Variants in TM9SF3 observed in about 807,000 individuals in gnomAD.
TM9SF3 encodes the protein SM-11044-binding protein.
A neutral mutation model predicts 78.6 loss-of-function variants in TM9SF3; 14 were observed. That is an observed-to-expected ratio of 0.18 (90% CI 0.12 to 0.28). The LOEUF (loss-of-function observed/expected upper bound fraction) is 0.28. Ranked by LOEUF, TM9SF3 falls within the 10% of genes least tolerant of loss-of-function variation. The pLI is 1.00. For missense variants in TM9SF3, 496 were observed against 721.9 expected, an observed-to-expected ratio of 0.69 and a Z score of 3.59; for synonymous variants, 231 against 241.7, an observed-to-expected ratio of 0.96 and a Z score of 0.41.
At position 96,575,264 on chromosome 10, in the gene TM9SF3, T is replaced by C. The variant is rs79972975; in HGVS notation, c.298+1370A>G. The stretch of plus-strand genomic sequence containing the variant: ...AAAAGAGAAAGCAGACGATTACATA[T>C]AGTACCAAATCTCAAAGATCACATT... On this transcript the variant is annotated intron_variant, in intron 2 of 14. Transcript: ENST00000371142. 2.2e-4 allele frequency among the ~76,000 whole-genome samples: 34 copies of C among 152,286 alleles called. 2 individuals carry two copies. In the East Asian group the frequency reaches 6.4e-3, roughly 29 times the overall value.
intron 9 of TM9SF3, among the ~76,000 whole-genome samples, chr10:96,534,277 C>G (rs1194146088): frequency 6.6e-6 from 1 of 152,132 alleles, no homozygotes; most frequent in African/African-American, 2.4e-5. Flanking sequence ...AATTACAGAG[C>G]TCCATAATAC....
chr10:96,529,133 C>T (rs1847869434), intron 11 of TM9SF3, among the ~76,000 whole-genome samples: 1 of 152,022 alleles, frequency 6.6e-6, no homozygotes, highest in Non-Finnish European at 1.5e-5. Context: ...AATAAAGGCA[C>T]AAAGCATTGT....
intron 11 of TM9SF3, among the ~76,000 whole-genome samples, chr10:96,529,620 TG>T (rs1477897745): frequency 5.4e-5 from 8 of 148,416 alleles, no homozygotes; most frequent in African/African-American, 2.0e-4. Context: ...AAAATTTCAA[TG>T]AAAAAAAAGA....
At chr10:96,571,533 A>T (rs1229542577) in intron 2 of TM9SF3, among the ~76,000 whole-genome samples, 1 of 152,212 alleles carries the variant, frequency 6.6e-6, no homozygotes, top group Non-Finnish European at 1.5e-5. Flanking sequence ...CCTTTTGGCA[A>T]TCAGGCCTAT....
At chr10:96,544,437 ACT>A (rs1159649939) in intron 8 of TM9SF3, among the ~76,000 whole-genome samples, 1 of 152,022 alleles carries the variant, frequency 6.6e-6, no homozygotes, top group African/African-American at 2.4e-5. Context: ...TTTTGTCTTG[ACT>A]CTGCCACTGA....
chr10:96,583,961 G>A (rs1462576211), intron 1 of TM9SF3, among the ~76,000 whole-genome samples: 2 of 149,350 alleles, frequency 1.3e-5, no homozygotes, highest in Non-Finnish European at 3.0e-5. Context: ...TTGAACCCAG[G>A]AGGCAGAGAT....
intron 11 of TM9SF3, 106 bp downstream of exon 11, chr10:96,530,434 G>T: frequency 1.2e-6 from 1 of 865,136 alleles, no homozygotes; most frequent in Non-Finnish European, 1.8e-6. Context: ...GGAATTAACA[G>T]ATTATTAGAT....
At chr10:96,543,971 C>T (rs1346085500) in intron 9 of TM9SF3, 105 bp downstream of exon 9, 9 of 1,221,882 alleles carry the variant, frequency 7.4e-6, no homozygotes, top group Non-Finnish European at 1.0e-5. Flanking sequence ...TATGAACTGA[C>T]TGAAACCATC....
chr10:96,580,658 ATCC>A (rs1035680784), intron 1 of TM9SF3, among the ~76,000 whole-genome samples: 5 of 152,050 alleles, frequency 3.3e-5, no homozygotes, highest in Middle Eastern at 3.2e-3. Context: ...AAATGCTCAA[ATCC>A]TCCTTTTTCA....
At chr10:96,574,909 A>C (rs1848479172) in intron 2 of TM9SF3, among the ~76,000 whole-genome samples, 1 of 151,976 alleles carries the variant, frequency 6.6e-6, no homozygotes, top group African/African-American at 2.4e-5. Context: ...AACATCACAC[A>C]CCCGGCCCTG....
Position 96,518,203 on chromosome 10 carries a change from T to C in TM9SF3, c.*4060A>G, listed in dbSNP as rs1347553914. On this transcript the variant is annotated 3_prime_UTR_variant, in exon 15 of 15. Transcript: ENST00000371142. ...CAATTGTATTTGATACATTATATAC[T>C]GGATTTCTATTACTAAAAAGCCAGT... 6.6e-6 allele frequency: 1 copy of C among 152,210 alleles called. No individual in the cohort carries two copies. Among genetic ancestry groups the C allele is most frequent in the Non-Finnish European group, 1.5e-5 (1 of 68,016 alleles). The allele number at this position is 152,210 out of a possible 1,614,324, so 9.4% of individuals were successfully genotyped here. A position where few individuals can be genotyped will look rare whatever the true frequency, so the allele number is the denominator to read the frequency against.
chr10:96,539,200 G>A (rs1468681859), intron 9 of TM9SF3, among the ~76,000 whole-genome samples: 1 of 152,150 alleles, frequency 6.6e-6, no homozygotes, highest in Non-Finnish European at 1.5e-5. Flanking sequence ...GCCGGGTGTG[G>A]TGGCTCGTAC....
chr10:96,527,339 A>C (rs1240170432), intron 13 of TM9SF3, 50 bp from the exon 14 acceptor site: 1 of 1,584,672 alleles, frequency 6.3e-7, no homozygotes, highest in Admixed American at 1.7e-5. Context: ...CTTTCAACTT[A>C]AGGCCTTAAA....
intron 2 of TM9SF3, among the ~76,000 whole-genome samples, chr10:96,567,210 G>A (rs923180906): frequency 2.7e-5 from 4 of 148,180 alleles, no homozygotes; most frequent in African/African-American, 5.0e-5. Context: ...TCAGCCTCCC[G>A]AGTAGCTGGG....
chr10:96,562,216 GT>G (rs34868868), intron 3 of TM9SF3, 78 bp from the exon 4 acceptor site: 50,199 of 552,660 alleles, frequency 0.091, 32 homozygotes, highest in East Asian at 0.11. Flanking sequence ...TGCTCATTAA[GT>G]TTTTTTTTTT....
intron 14 of TM9SF3, among the ~76,000 whole-genome samples, chr10:96,526,120 C>A (rs1003061646): frequency 2.0e-5 from 3 of 152,108 alleles, no homozygotes; most frequent in African/African-American, 7.2e-5. Flanking sequence ...GGTATTATTT[C>A]TATTTTGCAA....
chr10:96,560,168 A>C, intron 4 of TM9SF3: 1 of 847,546 alleles, frequency 1.2e-6, no homozygotes, highest in Non-Finnish European at 2.0e-6. Flanking sequence ...TCCCACCTAA[A>C]TGCGTGCTGC....
intron 5 of TM9SF3, among the ~76,000 whole-genome samples, chr10:96,554,039 T>C (rs1396599728): frequency 2.6e-5 from 4 of 152,080 alleles, no homozygotes; most frequent in African/African-American, 9.7e-5. Context: ...TTTGAGGTGT[T>C]TTTTCTCCTC....
At position 96,528,144 on chromosome 10, in the gene TM9SF3, C is replaced by T. The variant is rs772384361; in HGVS notation, c.1428G>A (p.Lys476=). Residue 476 remains lysine, a synonymous_variant, in exon 12 of 15, where the codon AAG becomes AAA. Transcript: ENST00000371142. ...TCATGAAGCCATAGACATAATAGATCTTATATGCCCAGAAAGACGTGAAGA... is the reference window on the plus strand; with the variant it reads ...TCATGAAGCCATAGACATAATAGATTTTATATGCCCAGAAAGACGTGAAGA... ...YFIFTSFWAY[K]IYYVYGFMML... 2 of 1,611,324 alleles carry T rather than the reference C, an allele frequency of 1.2e-6. No homozygotes were observed. The highest frequency in any genetic ancestry group is 1.7e-6 in the Non-Finnish European group (2 of 1,178,294).
Sources: allele counts gnomAD v4.1 joint callset (sites outside exome capture counted in the v4.1 genomes callset), GRCh38; gene constraint gnomAD v4.1.1; transcripts MANE v1.5; gene names NCBI Gene and HGNC (gene_info 2026-07-23, HGNC 2026-07-21).